SYT15B: variants seen among roughly 807,000 people sequenced by gnomAD.
SYT15B encodes the protein synaptotagmin 15B.
At chr10:47,750,920 T>G in the SYT15B span, 1 of 150,890 alleles carries the variant, frequency 6.6e-6, no homozygotes, top group Non-Finnish European at 1.5e-5. Context: ...CATTCAACAG[T>G]CAATTAGTAT....
chr10:47,756,753 A>T, the SYT15B span, among the ~76,000 whole-genome samples: 1 of 152,140 alleles, frequency 6.6e-6, no homozygotes, highest in Admixed American at 6.5e-5. Flanking sequence ...GGGTGAACCA[A>T]GGCCTCCCCT....
At chr10:47,751,110 T>C in the SYT15B span, 1 of 151,666 alleles carries the variant, frequency 6.6e-6, no homozygotes, top group Non-Finnish European at 1.5e-5. Flanking sequence ...ATGGTGAATA[T>C]TGACAACTCT....
At chr10:47,759,373 A>AC in the SYT15B span, among the ~76,000 whole-genome samples, 1 of 126,110 alleles carries the variant, frequency 7.9e-6, no homozygotes, top group Non-Finnish European at 1.7e-5. Flanking sequence ...TTGTGTTTTC[A>AC]CCCACTCTCT....
chr10:47,748,633 TCTC>T, the SYT15B span, among the ~76,000 whole-genome samples: 4 of 152,186 alleles, frequency 2.6e-5, no homozygotes, highest in Non-Finnish European at 5.9e-5. Flanking sequence ...TCCCTCCCTC[TCTC>T]CTCCTTCCTG....
At chr10:47,748,503 G>A in the SYT15B span, among the ~76,000 whole-genome samples, 17 of 152,148 alleles carry the variant, frequency 1.1e-4, no homozygotes, top group Non-Finnish European at 1.8e-4. Context: ...GTGAGCCACC[G>A]CACCCGACCC....
chr10:47,762,136 T>A, the SYT15B span, among the ~76,000 whole-genome samples: 1 of 145,828 alleles, frequency 6.9e-6, no homozygotes, highest in African/African-American at 2.5e-5. Context: ...AAGGCTGGAC[T>A]CTTCTCTAAC....
At chr10:47,750,272 A>T in the SYT15B span, among the ~76,000 whole-genome samples, 1 of 148,496 alleles carries the variant, frequency 6.7e-6, no homozygotes, top group East Asian at 2.0e-4. Context: ...TTATGATAAG[A>T]ATATTATAGG....
At chr10:47,745,744 G>A in the SYT15B span, among the ~76,000 whole-genome samples, 107,445 of 126,724 alleles carry the variant, frequency 0.85, 46,672 homozygotes, top group South Asian at 0.98. Flanking sequence ...GGTTCATTGC[G>A]TTGTCCACCT....
the SYT15B span, chr10:47,760,998 G>T: frequency 1.3e-5 from 19 of 1,455,252 alleles, no homozygotes; most frequent in Non-Finnish European, 1.6e-5. Flanking sequence ...GCTCAGCCAG[G>T]ACGGTTGAGC....
the SYT15B span, among the ~76,000 whole-genome samples, chr10:47,761,127 C>G: frequency 3.7e-3 from 548 of 149,238 alleles, no homozygotes; most frequent in African/African-American, 0.012. Context: ...CACACACACA[C>G]AGCAGTGGGA....
chr10:47,746,603 G>C, the SYT15B span, among the ~76,000 whole-genome samples: 2 of 110,998 alleles, frequency 1.8e-5, no homozygotes, highest in Non-Finnish European at 3.8e-5. Context: ...ACTTGAACCT[G>C]GGAGGCGGAG....
chr10:47,748,629 C>T, the SYT15B span, among the ~76,000 whole-genome samples: 8 of 152,202 alleles, frequency 5.3e-5, no homozygotes, highest in African/African-American at 1.9e-4. Flanking sequence ...CCCCTCCCTC[C>T]CTCTCTCCTC....
chr10:47,749,945 T>A, the SYT15B span, among the ~76,000 whole-genome samples: 1 of 151,772 alleles, frequency 6.6e-6, no homozygotes, highest in African/African-American at 2.4e-5. Flanking sequence ...AATACCATTG[T>A]GAGTGGTAGA....
the SYT15B span, chr10:47,753,251 C>T: frequency 1.3e-5 from 8 of 633,318 alleles, no homozygotes; most frequent in Non-Finnish European, 1.5e-5. Context: ...CTACCTGTTA[C>T]AGTAACTGTG....
the SYT15B span, among the ~76,000 whole-genome samples, chr10:47,748,056 A>G: frequency 6.6e-6 from 1 of 152,182 alleles, no homozygotes; most frequent in Non-Finnish European, 1.5e-5. Flanking sequence ...CAGGCCTAAC[A>G]CATATGTAAC....
chr10:47,750,016 T>C, the SYT15B span, among the ~76,000 whole-genome samples: 2 of 152,048 alleles, frequency 1.3e-5, no homozygotes, highest in African/African-American at 4.8e-5. Flanking sequence ...TAAATGGGTA[T>C]GAGCCTAATA....
At chr10:47,744,771 G>A in the SYT15B span, among the ~76,000 whole-genome samples, 4 of 151,438 alleles carry the variant, frequency 2.6e-5, no homozygotes, top group Non-Finnish European at 4.4e-5. Context: ...ATTCAAACTT[G>A]CTCTGCAGGT....
the SYT15B span, among the ~76,000 whole-genome samples, chr10:47,749,560 G>A: frequency 1.4e-5 from 2 of 145,454 alleles, no homozygotes; most frequent in African/African-American, 5.1e-5. Flanking sequence ...CATTGTCTGG[G>A]AAACAATAAA....
the SYT15B span, among the ~76,000 whole-genome samples, chr10:47,755,522 TG>T: frequency 6.7e-6 from 1 of 149,686 alleles, no homozygotes; most frequent in African/African-American, 2.5e-5. Flanking sequence ...CCCAAAGTGC[TG>T]GGATTACAGG....
Sources: gnomAD v4.1 joint callset for allele counts (sites outside exome capture counted in the v4.1 genomes callset) on GRCh38, gnomAD v4.1.1 for gene constraint, MANE v1.5 for transcripts, NCBI Gene and HGNC (gene_info 2026-07-23, HGNC 2026-07-21) for gene names.